Variants in GPC5 observed in about 807,000 individuals in gnomAD.
The protein encoded by GPC5 is glypican-5.
A neutral mutation model predicts 53.9 loss-of-function variants in GPC5; 47 were observed. The ratio of observed to expected loss-of-function variants is 0.87; its 90% confidence interval spans 0.69 to 1.11. The LOEUF (loss-of-function observed/expected upper bound fraction) is 1.11. Among genes scored for constraint, GPC5 ranks in the 50% most tolerant of loss-of-function variants. The probability of loss-of-function intolerance (pLI) is 0.00; values close to 1 mark genes in which losing one functional copy is unlikely to be tolerated. For missense variants in GPC5, 748 were observed against 713.1 expected, an observed-to-expected ratio of 1.05 and a Z score of -0.56; for synonymous variants, 286 against 263.3, an observed-to-expected ratio of 1.09 and a Z score of -0.84.
chr13:91,718,222 C>T (rs1452516826), intron 3 of GPC5, among the ~76,000 whole-genome samples: 4 of 151,950 alleles, frequency 2.6e-5, no homozygotes, highest in Non-Finnish European at 5.9e-5. Flanking sequence ...GCCATTCTCC[C>T]GTCTCAGCCT....
chr13:92,298,728 C>T (rs1024536727), intron 7 of GPC5, among the ~76,000 whole-genome samples: 1 of 152,062 alleles, frequency 6.6e-6, no homozygotes, highest in African/African-American at 2.4e-5. Flanking sequence ...GTGTGTGGGT[C>T]GTCTCAGGTT....
At chr13:92,552,906 T>C (rs1176345021) in intron 7 of GPC5, among the ~76,000 whole-genome samples, 2 of 151,932 alleles carry the variant, frequency 1.3e-5, no homozygotes, top group Admixed American at 6.6e-5. Context: ...CTAAAGATTC[T>C]CACTTGTACT....
intron 1 of GPC5, among the ~76,000 whole-genome samples, chr13:91,428,880 T>C (rs1489235975): frequency 6.6e-6 from 1 of 152,136 alleles, no homozygotes; most frequent in Non-Finnish European, 1.5e-5. Flanking sequence ...TTATAGTATA[T>C]TTAAAAATCT....
intron 7 of GPC5, among the ~76,000 whole-genome samples, chr13:92,291,722 G>T (rs2042997691): frequency 6.6e-6 from 1 of 152,060 alleles, no homozygotes; most frequent in Non-Finnish European, 1.5e-5. Context: ...CCCTCTTTGG[G>T]TCCACACTGC....
intron 7 of GPC5, among the ~76,000 whole-genome samples, chr13:92,558,962 C>T (rs1882599690): frequency 6.6e-6 from 1 of 151,844 alleles, no homozygotes; most frequent in Non-Finnish European, 1.5e-5. Context: ...CAGGCATGAG[C>T]AACAGGGAGC....
chr13:91,756,333 A>T lies in GPC5; in HGVS notation c.1193A>T (p.Tyr398Phe). 3 of 1,587,506 alleles carry T rather than the reference A, an allele frequency of 1.9e-6. No individual in the cohort carries two copies. The highest frequency in any genetic ancestry group is 1.1e-5 in the South Asian group (1 of 88,228). ...INSLRLYRSF[Y>F]GGLADQLCAN... is the part of the protein sequence containing the mutation. The stretch of plus-strand genomic sequence containing the variant: ...AGCCTTCGACTGTACAGGTCATTCT[A>T]TGGAGGTCTAGCTGATCAGCTTTGT... Residue 398 changes from tyrosine to phenylalanine, a missense_variant, in exon 5 of 8, where the codon TAT becomes TTT. Tyr to Phe is a conservative substitution (Grantham distance 22). Transcript: ENST00000377067.
chr13:91,432,215 G>A lies in GPC5; in HGVS notation c.164-16546G>A, dbSNP rs879740568. On this transcript the variant is annotated intron_variant, in intron 1 of 7. Transcript: ENST00000377067. ...GCTGCTGCTGCTGCTGTGTGTGTGT[G>A]TGTGTGTGTGTGTGTGTGTGTGTGT... 3.6e-4 allele frequency among the ~76,000 whole-genome samples: 46 copies of A among 127,524 alleles called. 1 individual carries two copies. In the South Asian group the frequency reaches 9.9e-3, roughly 27 times the overall value. 83.7% of individuals were successfully genotyped at this position (127,524 alleles called of 152,430 possible).
chr13:92,270,536 G>A (rs2042832977), intron 7 of GPC5, among the ~76,000 whole-genome samples: 1 of 152,280 alleles, frequency 6.6e-6, no homozygotes, highest in East Asian at 1.9e-4. Flanking sequence ...CTGTGGAACC[G>A]TGAGCCAGTT....
At chr13:91,768,628 T>A (rs909822868) in intron 5 of GPC5, among the ~76,000 whole-genome samples, 2 of 152,222 alleles carry the variant, frequency 1.3e-5, no homozygotes, top group Non-Finnish European at 2.9e-5. Flanking sequence ...TTGTTCATTT[T>A]TGGATTATTC....
At chr13:92,400,510 T>G (rs1875507390) in intron 7 of GPC5, among the ~76,000 whole-genome samples, 1 of 152,212 alleles carries the variant, frequency 6.6e-6, no homozygotes, top group Non-Finnish European at 1.5e-5. Context: ...ATCCTTTTGC[T>G]TATGTTGTTC....
At chr13:91,739,387 C>T (rs1484667085) in intron 4 of GPC5, among the ~76,000 whole-genome samples, 1 of 151,448 alleles carries the variant, frequency 6.6e-6, no homozygotes, top group African/African-American at 2.5e-5. Context: ...TATTTCTTAT[C>T]TATTGCAATC....
intron 2 of GPC5, among the ~76,000 whole-genome samples, chr13:91,449,522 G>A (rs867064580): frequency 2.6e-5 from 4 of 151,880 alleles, no homozygotes. Context: ...CTTGCGTCCC[G>A]ACCCCGCAAC....
intron 7 of GPC5, among the ~76,000 whole-genome samples, chr13:92,681,902 C>T (rs1034137217): frequency 1.1e-4 from 16 of 152,146 alleles, no homozygotes; most frequent in Admixed American, 7.9e-4. Flanking sequence ...AAATTGACTG[C>T]ATTTCATTTT....
Position 91,935,744 on chromosome 13 carries a change from T to C in GPC5, c.1401+27687T>C, listed in dbSNP as rs78827815. ...GGAGGAGCATTCGTTTACCTTTAGA[T>C]GTTAAATTTGAAATGTTTTTGAGAG... On this transcript the variant is annotated intron_variant, in intron 6 of 7. Coordinates refer to ENST00000377067, the MANE Select transcript of GPC5 (RefSeq NM_004466.6). Among the ~76,000 whole-genome samples the C allele has an allele frequency of 4.7e-3, 711 of 152,112 alleles. 5 individuals carry two copies. The highest frequency in any genetic ancestry group is 0.014 in the Middle Eastern group (4 of 292).
At chr13:91,714,565 A>G (rs1288030282) in intron 3 of GPC5, among the ~76,000 whole-genome samples, 5 of 152,212 alleles carry the variant, frequency 3.3e-5, no homozygotes, top group Non-Finnish European at 4.4e-5. Flanking sequence ...TAGATACTAT[A>G]TATAAATGTG....
At chr13:92,215,090 G>A (rs2042400506) in intron 7 of GPC5, among the ~76,000 whole-genome samples, 1 of 152,146 alleles carries the variant, frequency 6.6e-6, no homozygotes, top group African/African-American at 2.4e-5. Flanking sequence ...AAGCCACTAA[G>A]TTTTTGAAAC....
chr13:92,301,790 C>T (rs2043077250), intron 7 of GPC5, among the ~76,000 whole-genome samples: 1 of 151,990 alleles, frequency 6.6e-6, no homozygotes, highest in Non-Finnish European at 1.5e-5. Context: ...GCCAGCTACT[C>T]GGGAGGCTGA....
chr13:91,956,458 T>C (rs1214126619), intron 6 of GPC5, among the ~76,000 whole-genome samples: 1 of 152,158 alleles, frequency 6.6e-6, no homozygotes, highest in African/African-American at 2.4e-5. Context: ...GCCTAGAAGC[T>C]TGAGGATCCA....
At chr13:92,000,185 C>T (rs113237622) in intron 6 of GPC5, among the ~76,000 whole-genome samples, 2,831 of 152,076 alleles carry the variant, frequency 0.019, 88 homozygotes, top group African/African-American at 0.065. Context: ...TCTGTCTTCC[C>T]AAAATTCTTA....
Sources: allele counts gnomAD v4.1 joint callset (sites outside exome capture counted in the v4.1 genomes callset), GRCh38; gene constraint gnomAD v4.1.1; transcripts MANE v1.5; gene names NCBI Gene and HGNC (gene_info 2026-07-23, HGNC 2026-07-21).